The following MISP variants were observed in gnomAD, a reference collection of about 807,000 sequenced individuals.
MISP encodes the protein mitotic interactor and substrate of PLK1.
A neutral mutation model predicts 49.3 loss-of-function variants in MISP; 51 were observed. The ratio of observed to expected loss-of-function variants is 1.03; its 90% CI spans 0.83 to 1.31. The LOEUF is 1.31. Ranked by LOEUF, MISP falls within the 50% of genes most tolerant of loss-of-function variation. The probability of loss-of-function intolerance (pLI) is 0.00; values close to 1 mark genes in which losing one functional copy is unlikely to be tolerated. For synonymous variants in MISP, 444 were observed against 392.6 expected, an observed-to-expected ratio of 1.13 and a Z score of -1.55; for missense variants, 1,084 against 935.1, an observed-to-expected ratio of 1.16 and a Z score of -2.08.
intron 4 of MISP, 99 bp from the exon 5 acceptor site, chr19:763,402 C>T: frequency 1.3e-6 from 1 of 784,780 alleles, no homozygotes; most frequent in Non-Finnish European, 2.2e-6. Flanking sequence ...TCCTACTTTA[C>T]CCCCGTTCTA....
At chr19:751,253 A>C (rs558386872) in intron 1 of MISP, 82 bp downstream of exon 1, 1 of 152,134 alleles carries the variant, frequency 6.6e-6, no homozygotes, top group African/African-American at 2.4e-5. Flanking sequence ...TGGGAGCGTC[A>C]TGTGTCTGTG....
chr19:761,711 C>T (rs373018518), intron 4 of MISP, 48 bp downstream of exon 4: 6 of 1,607,308 alleles, frequency 3.7e-6, no homozygotes, highest in South Asian at 3.3e-5. Context: ...CCCCCCACAT[C>T]TGTGCCCCTG....
At chr19:751,771 C>T (rs1029908903) in intron 1 of MISP, among the ~76,000 whole-genome samples, 9 of 152,130 alleles carry the variant, frequency 5.9e-5, no homozygotes, top group African/African-American at 7.2e-5. Context: ...CAGCGTCTGC[C>T]GGTGGAGCTC....
intron 3 of MISP, 136 bp downstream of exon 3, chr19:760,175 C>A: frequency 1.1e-6 from 1 of 922,594 alleles, no homozygotes. Flanking sequence ...GCCTCAGTCT[C>A]CTGCAGATGT....
upstream of MISP, among the ~76,000 whole-genome samples, chr19:750,956 C>T (rs543559620): frequency 7.9e-5 from 12 of 152,254 alleles, no homozygotes; most frequent in South Asian, 1.7e-3. Flanking sequence ...GCACGGTGCC[C>T]GCCCTTGCCC....
chr19:754,174 G>A (rs1047226778), intron 1 of MISP, among the ~76,000 whole-genome samples: 1 of 151,908 alleles, frequency 6.6e-6, no homozygotes, highest in South Asian at 2.1e-4. Flanking sequence ...AAAATTAGCC[G>A]GGTGTCCTGG....
chr19:752,569 C>T (rs950812710), intron 1 of MISP, among the ~76,000 whole-genome samples: 1 of 149,574 alleles, frequency 6.7e-6, no homozygotes, highest in African/African-American at 2.5e-5. Context: ...GCACAGGCAG[C>T]AGGGGAGGGG....
At position 753,423 on chromosome 19, in the gene MISP, G is replaced by T. The variant is rs1204016543; in HGVS notation, c.-58+2252G>T. ...TTTTTTTGAGGCGGAGTCTAGCTCT[G>T]TCACCAGGCTGGAGTGCAATGGTGC... On this transcript the variant is annotated intron_variant, in intron 1 of 4. Coordinates refer to ENST00000215582, the MANE Select transcript of MISP (RefSeq NM_173481.4). Among the ~76,000 whole-genome samples, 4 of 131,350 alleles carry T rather than the reference G, an allele frequency of 3.0e-5. No homozygotes were observed. In the East Asian group the frequency reaches 8.6e-4, roughly 28 times the overall value. 86.2% of individuals were successfully genotyped at this position (131,350 alleles called of 152,430 possible). A position where few individuals can be genotyped will look rare whatever the true frequency, so the allele number is the denominator to read the frequency against.
chr19:757,280 C>T lies in MISP; in HGVS notation c.334C>T (p.Arg112Cys), dbSNP rs149547647. The T allele has an allele frequency of 6.8e-5, 109 of 1,613,980 alleles. No individual in the cohort carries two copies. Among genetic ancestry groups the T allele is most frequent in the Non-Finnish European group, 8.4e-5 (99 of 1,179,976 alleles). Residue 112 changes from arginine to cysteine, a missense_variant, in exon 2 of 5, where the codon CGC becomes TGC. Physicochemically the swap from Arg to Cys is radical, Grantham distance 180 (BLOSUM62 -3). Coordinates refer to ENST00000215582, the MANE Select transcript of MISP (RefSeq NM_173481.4). ...CCAGGGACGTCCAACATGGGCACTC[C>T]GCCCAGAGGACGGGGAGGACAAGGA... ...AHQGRPTWAL[R>C]PEDGEDKEMK... is the part of the protein sequence containing the mutation.
Position 758,663 on chromosome 19 carries a change from GTCT to G in MISP, c.1721_1723del (p.Phe574del), listed in dbSNP as rs766576236. On this transcript the variant is annotated inframe_deletion, in exon 2 of 5. Coordinates refer to ENST00000215582, the MANE Select transcript of MISP (RefSeq NM_173481.4). ...GCGGAGAAATGCTCTCTTCCCAGAG[GTCT>G]TCTCCCCAACGCCAGATGAGAACTC... 17 of 1,614,252 alleles carry G rather than the reference GTCT, an allele frequency of 1.1e-5. No homozygotes were observed. In the South Asian group the frequency reaches 1.8e-4, roughly 17 times the overall value.
chr19:754,486 G>A (rs766809966), intron 1 of MISP, among the ~76,000 whole-genome samples: 24 of 152,200 alleles, frequency 1.6e-4, no homozygotes, highest in Non-Finnish European at 2.5e-4. Context: ...AATTAGCCGG[G>A]TGTGGGGGCG....
chr19:757,063 G>C lies in MISP; in HGVS notation c.117G>C (p.Glu39Asp). The C allele has an allele frequency of 6.2e-7, 1 of 1,611,930 alleles. No individual in the cohort carries two copies. Among genetic ancestry groups the C allele is most frequent in the Non-Finnish European group, 8.5e-7 (1 of 1,179,314 alleles). The change falls in exon 2 of 5, where the codon GAG becomes GAC. Residue 39 changes from glutamate (E) to aspartate (D), a missense_variant. Glu to Asp is a conservative substitution (Grantham distance 45). Transcript: ENST00000215582. Reference protein sequence around the residue: ...YTYHLVCMGPEASGWGQDEPQ... With the variant: ...YTYHLVCMGPDASGWGQDEPQ... Reference sequence around the variant, plus strand: ...ACCATCTGGTGTGCATGGGCCCCGAGGCCAGCGGCTGGGGCCAGGATGAGC... The same window carrying C: ...ACCATCTGGTGTGCATGGGCCCCGACGCCAGCGGCTGGGGCCAGGATGAGC...
upstream of MISP, among the ~76,000 whole-genome samples, chr19:750,325 A>G (rs1393449518): frequency 1.3e-5 from 2 of 149,002 alleles, no homozygotes; most frequent in Admixed American, 6.8e-5. Flanking sequence ...TCAGCCTCCC[A>G]AGTAGCTGGG....
chr19:758,207 C>T lies in MISP; in HGVS notation c.1261C>T (p.Pro421Ser), dbSNP rs138933312. The change falls in exon 2 of 5, where the codon CCA becomes TCA. Residue 421 changes from proline to serine, a missense_variant. Pro to Ser is a moderately conservative substitution (Grantham distance 74, BLOSUM62 -1). Coordinates refer to ENST00000215582, the MANE Select transcript of MISP (RefSeq NM_173481.4). ...APEVRKVNRI[P>S]PDAYQPYLSP... ...AGAAGTGAGGAAGGTGAACCGCATCCCACCTGATGCCTACCAGCCGTACCT... is the reference window on the plus strand; with the variant it reads ...AGAAGTGAGGAAGGTGAACCGCATCTCACCTGATGCCTACCAGCCGTACCT... 1.5e-5 allele frequency: 24 copies of T among 1,612,754 alleles called. No individual in the cohort carries two copies. The Admixed American group carries it at 4.0e-4, about 27-fold the overall frequency.
intron 1 of MISP, among the ~76,000 whole-genome samples, chr19:753,701 A>T (rs550879229): frequency 1.3e-5 from 2 of 151,878 alleles, no homozygotes; most frequent in South Asian, 2.1e-4. Flanking sequence ...ACAAAAAAAA[A>T]TGCTGCTGGT....
chr19:753,853 C>T (rs989883832), intron 1 of MISP, among the ~76,000 whole-genome samples: 6 of 151,786 alleles, frequency 4.0e-5, no homozygotes, highest in East Asian at 2.0e-4. Flanking sequence ...CTCAGCTCAC[C>T]GCAACCTCCA....
upstream of MISP, among the ~76,000 whole-genome samples, chr19:750,815 C>T (rs966965954): frequency 9.9e-5 from 15 of 152,168 alleles, no homozygotes; most frequent in South Asian, 2.1e-4. Flanking sequence ...TGGCCCTGGA[C>T]ACCTGCTGAC....
At chr19:762,378 A>G (rs994559299) in intron 4 of MISP, among the ~76,000 whole-genome samples, 10 of 150,772 alleles carry the variant, frequency 6.6e-5, no homozygotes, top group African/African-American at 2.0e-4. Context: ...TCAGCCTCCC[A>G]AGTTGCTGGG....
rs11882153 is a variant in MISP, at chr19:762,116, T to G, written c.1950+453T>G. Among the ~76,000 whole-genome samples, 1,189 of 148,256 alleles carry G rather than the reference T, an allele frequency of 8.0e-3. 24 individuals are homozygous for G. The highest frequency in any genetic ancestry group is 0.028 in the African/African-American group (1,112 of 40,186). On this transcript the variant is annotated intron_variant, in intron 4 of 4. Transcript: ENST00000215582. ...GCGCCCACCACCACGCCCGGCTATTTTTTTTTTTTGTATTTTTAGTAGAGA... is the reference window on the plus strand; with the variant it reads ...GCGCCCACCACCACGCCCGGCTATTGTTTTTTTTTGTATTTTTAGTAGAGA...
Sources: allele counts gnomAD v4.1 joint callset (sites outside exome capture counted in the v4.1 genomes callset), GRCh38; gene constraint gnomAD v4.1.1; transcripts MANE v1.5; gene names NCBI Gene and HGNC (gene_info 2026-07-23, HGNC 2026-07-21).